Variants in ANOS1 observed in about 807,000 individuals in gnomAD.
ANOS1 encodes the protein anosmin 1.
A neutral mutation model predicts 59.0 loss-of-function variants in ANOS1; 6 were observed. The observed-to-expected ratio is 0.10, with a 90% CI of 0.06 to 0.20. The LOEUF (loss-of-function observed/expected upper bound fraction) is 0.20. Ranked by LOEUF, ANOS1 falls within the 10% of genes least tolerant of loss-of-function variation. The pLI is 1.00. For missense variants in ANOS1, 433 were observed against 542.3 expected, an observed-to-expected ratio of 0.80 and a Z score of 2.00; for synonymous variants, 217 against 223.4, an observed-to-expected ratio of 0.97 and a Z score of 0.25.
intron 1 of ANOS1, among the ~76,000 whole-genome samples, chrX:8,725,653 TATATATATATACAG>T (rs1467319522): frequency 6.9e-5 from 2 of 29,088 alleles, no homozygotes; most frequent in Admixed American, 3.4e-4. Flanking sequence ...TATATACAGA[TATATATATATACAG>T]ATATATATAT....
At chrX:8,651,362 C>G (rs1286227457) in intron 2 of ANOS1, among the ~76,000 whole-genome samples, 3 of 112,285 alleles carry the variant, frequency 2.7e-5, no homozygotes, top group Non-Finnish European at 3.8e-5. Context: ...ACGTTAAGGT[C>G]TTGAAGAATT....
At chrX:8,629,189 C>T (rs1931445404) in intron 2 of ANOS1, among the ~76,000 whole-genome samples, 1 of 111,127 alleles carries the variant, frequency 9.0e-6, no homozygotes, top group Non-Finnish European at 1.9e-5. Context: ...TTTGAGACTG[C>T]AGAATGCACC....
chrX:8,595,457 C>T (rs373813060), intron 4 of ANOS1, among the ~76,000 whole-genome samples: 1 of 110,489 alleles, frequency 9.1e-6, no homozygotes, highest in East Asian at 2.8e-4. Context: ...GGTTGAATTA[C>T]ATAGATTTCA....
Position 8,730,224 on chromosome X carries a change from T to C in ANOS1, c.207+1606A>G, listed in dbSNP as rs774113527. ...TTTTCTGTTGTTTCAAACAATAGTG[T>C]GGCATCTTAGGAGAGTGACTTTCAG... On this transcript the variant is annotated intron_variant, in intron 1 of 13. Coordinates refer to ENST00000262648, the MANE Select transcript of ANOS1 (RefSeq NM_000216.4). Among the ~76,000 whole-genome samples the C allele has an allele frequency of 6.2e-5, 7 of 112,482 alleles. No individual in the cohort carries two copies. In the South Asian group the frequency reaches 2.6e-3, roughly 41 times the overall value.
chrX:8,650,147 G>A (rs753828424), intron 2 of ANOS1, among the ~76,000 whole-genome samples: 1 of 111,984 alleles, frequency 8.9e-6, no homozygotes, highest in East Asian at 2.8e-4. Flanking sequence ...AGTTCTCCTG[G>A]GTCCCTCCTG....
In ANOS1 at chrX:8,536,896, T is replaced by C. The variant is rs779915371; in HGVS notation, c.1496A>G (p.Lys499Arg). 1.5e-5 allele frequency: 18 copies of C among 1,209,074 alleles called. No individual in the cohort carries two copies. Among genetic ancestry groups the C allele is most frequent in the Non-Finnish European group, 2.0e-5 (18 of 893,163 alleles). The change falls in exon 11 of 14, where the codon AAG becomes AGG. Residue 499 changes from lysine (K) to arginine (R), a missense_variant. Transcript: ENST00000262648. ...LQDLSFSCKY[K>R]VTVQPIRPKS... ...TGGCCGTATTGGTTGGACAGTCACC[T>C]TATACTTGCAGGAAAATGACAGATC... is the stretch of plus-strand genomic sequence containing the variant.
At chrX:8,537,141 G>A (rs1177342753) in intron 10 of ANOS1, among the ~76,000 whole-genome samples, 199 bp from the exon 11 acceptor site, 3 of 111,613 alleles carry the variant, frequency 2.7e-5, no homozygotes, top group Admixed American at 9.5e-5. Flanking sequence ...CCATGGCTGC[G>A]GGATATGCCT....
chrX:8,648,523 CTGGA>C (rs1206219930), intron 2 of ANOS1, among the ~76,000 whole-genome samples: 1 of 105,966 alleles, frequency 9.4e-6, no homozygotes, highest in Non-Finnish European at 1.9e-5. Flanking sequence ...ACAAATTTAA[CTGGA>C]TGAAGTAAAT....
At chrX:8,619,437 CT>C (rs1192225071) in intron 3 of ANOS1, among the ~76,000 whole-genome samples, 1 of 110,691 alleles carries the variant, frequency 9.0e-6, no homozygotes, top group African/African-American at 3.3e-5. Flanking sequence ...AACCCCGTCT[CT>C]ACTAAAAATA....
At chrX:8,715,485 C>T (rs1444316924) in intron 1 of ANOS1, among the ~76,000 whole-genome samples, 1 of 104,733 alleles carries the variant, frequency 9.5e-6, no homozygotes, top group African/African-American at 3.5e-5. Context: ...CACTCTGATG[C>T]CCAGGCTGGT....
At chrX:8,679,743 A>G (rs1350790242) in intron 2 of ANOS1, among the ~76,000 whole-genome samples, 1 of 111,131 alleles carries the variant, frequency 9.0e-6, no homozygotes, top group East Asian at 2.8e-4. Context: ...TATACTTAAC[A>G]CTACTTAACT....
chrX:8,664,858 A>G (rs1043497408), intron 2 of ANOS1, among the ~76,000 whole-genome samples: 7 of 111,514 alleles, frequency 6.3e-5, no homozygotes, highest in African/African-American at 2.3e-4. Flanking sequence ...TTTCTCTAGC[A>G]CCATTTCTCT....
intron 9 of ANOS1, among the ~76,000 whole-genome samples, chrX:8,542,504 A>G (rs770740612): frequency 9.2e-6 from 1 of 108,620 alleles, no homozygotes; most frequent in South Asian, 4.2e-4. Flanking sequence ...CTGGTTTTCT[A>G]CAGCTGCTGT....
intron 4 of ANOS1, among the ~76,000 whole-genome samples, chrX:8,590,798 A>C (rs1313677706): frequency 8.9e-6 from 1 of 112,221 alleles, no homozygotes; most frequent in Non-Finnish European, 1.9e-5. Context: ...AAACCACTGC[A>C]ACAATGGTAA....
chrX:8,562,043 C>A (rs780964393), intron 8 of ANOS1, among the ~76,000 whole-genome samples: 1 of 110,553 alleles, frequency 9.0e-6, no homozygotes, highest in Admixed American at 9.7e-5. Context: ...CGGGTTCAAG[C>A]CATTCTCGTG....
At chrX:8,679,746 A>G in intron 2 of ANOS1, among the ~76,000 whole-genome samples, 1 of 111,196 alleles carries the variant, frequency 9.0e-6, no homozygotes, top group South Asian at 3.8e-4. Context: ...ACTTAACACT[A>G]CTTAACTATA....
intron 1 of ANOS1, among the ~76,000 whole-genome samples, chrX:8,719,661 G>A (rs911355287): frequency 8.9e-6 from 1 of 111,849 alleles, no homozygotes; most frequent in African/African-American, 3.3e-5. Context: ...GATTACAAGC[G>A]AGAGCCACCG....
At chrX:8,678,259 A>C (rs1262167059) in intron 2 of ANOS1, among the ~76,000 whole-genome samples, 2 of 112,480 alleles carry the variant, frequency 1.8e-5, no homozygotes, top group South Asian at 7.4e-4. Context: ...GTGTTAGGTT[A>C]GGGAATCCTA....
At chrX:8,668,394 CATATATATATATATATAT>C (rs202229567) in intron 2 of ANOS1, among the ~76,000 whole-genome samples, 17 of 51,568 alleles carry the variant, frequency 3.3e-4, no homozygotes, top group Admixed American at 2.6e-3. Flanking sequence ...AGTATTCCAT[CATATATATATATATATAT>C]ATATATATAT....
Sources: gnomAD v4.1 joint callset for allele counts (sites outside exome capture counted in the v4.1 genomes callset) on GRCh38, gnomAD v4.1.1 for gene constraint, MANE v1.5 for transcripts, NCBI Gene and HGNC (gene_info 2026-07-23, HGNC 2026-07-21) for gene names.